Variants in LYG1 observed in about 807,000 individuals in gnomAD.
The protein encoded by LYG1 is lysozyme g-like protein 1.
LYG1 carries 17 observed loss-of-function variants against 21.7 expected under a neutral mutation model. The ratio of observed to expected loss-of-function variants is 0.78; its 90% confidence interval spans 0.54 to 1.18. The LOEUF (loss-of-function observed/expected upper bound fraction) is 1.18. Among genes scored for constraint, LYG1 ranks in the 50% most tolerant of loss-of-function variants. LYG1 has a pLI of 0.00. For synonymous variants in LYG1, 81 were observed against 87.4 expected, an observed-to-expected ratio of 0.93 and a Z score of 0.41; for missense variants, 211 against 238.1, an observed-to-expected ratio of 0.89 and a Z score of 0.75.
In LYG1 at chr2:99,291,229, A is replaced by G. The variant is rs1352614207; in HGVS notation, c.333+8T>C. The G allele has an allele frequency of 6.2e-7, 1 of 1,612,316 alleles. No homozygotes were observed. The highest frequency in any genetic ancestry group is 2.2e-5 in the East Asian group (1 of 44,842). ...AATGGCCACATGTGTCAACGGATGA[A>G]GAGTTACCTGCACCATGCTAGTCCT... On this transcript the variant is annotated splice_region_variant and intron_variant, in intron 5 of 6. Transcript: ENST00000308528.
intron 4 of LYG1, 137 bp from the exon 5 acceptor site, chr2:99,291,558 C>A: frequency 2.1e-6 from 2 of 957,638 alleles, no homozygotes; most frequent in Non-Finnish European, 1.6e-6. Context: ...GGTCTTAAAT[C>A]TTTAGTAGTG....
At chr2:99,290,229 A>G (rs2094114505) in intron 5 of LYG1, among the ~76,000 whole-genome samples, 1 of 152,200 alleles carries the variant, frequency 6.6e-6, no homozygotes, top group Admixed American at 6.5e-5. Flanking sequence ...CAGATTTTAC[A>G]AAGGAGACAG....
rs968548636 is a variant in LYG1 at position 99,291,844 on chromosome 2, G to A, written c.149-423C>T. Among the ~76,000 whole-genome samples, 12 of 152,170 alleles carry A rather than the reference G, an allele frequency of 7.9e-5. No homozygotes were observed. The East Asian group carries it at 2.3e-3, about 29-fold the overall frequency. Reference sequence around the variant, plus strand: ...TTAGATAGTGTTCCTCAACAAGTTTGTTCACAATTGCACAGTTTTCCACTC... The same window carrying A: ...TTAGATAGTGTTCCTCAACAAGTTTATTCACAATTGCACAGTTTTCCACTC... On this transcript the variant is annotated intron_variant, in intron 4 of 6. Coordinates refer to ENST00000308528, the MANE Select transcript of LYG1 (RefSeq NM_174898.3).
intron 5 of LYG1, among the ~76,000 whole-genome samples, chr2:99,290,486 G>A (rs2094115104): frequency 6.6e-6 from 1 of 152,048 alleles, no homozygotes; most frequent in South Asian, 2.1e-4. Context: ...GTCAAGGGAA[G>A]CAAATTTGGA....
chr2:99,292,674 G>A, intron 3 of LYG1, 34 bp from the exon 4 acceptor site: 1 of 1,352,936 alleles, frequency 7.4e-7, no homozygotes, highest in Non-Finnish European at 1.1e-6. Context: ...CTAAGGCATG[G>A]AACTAGTTCT....
chr2:99,297,166 C>T (rs2094139277), intron 2 of LYG1, among the ~76,000 whole-genome samples: 1 of 152,198 alleles, frequency 6.6e-6, no homozygotes, highest in Admixed American at 6.5e-5. Context: ...ATGTCATGGT[C>T]AGTCCCAACA....
At chr2:99,296,391 G>T (rs2094136510) in intron 2 of LYG1, among the ~76,000 whole-genome samples, 1 of 152,122 alleles carries the variant, frequency 6.6e-6, no homozygotes, top group African/African-American at 2.4e-5. Flanking sequence ...TCCCAGGATT[G>T]AACTCATGAG....
intron 1 of LYG1, among the ~76,000 whole-genome samples, chr2:99,299,284 CTTTTTTTTTTTT>C (rs759326268): frequency 8.0e-6 from 1 of 124,650 alleles, no homozygotes; most frequent in Non-Finnish European, 1.7e-5. Flanking sequence ...TTCTTTTTTT[CTTTTTTTTTTTT>C]TTTTAATCGA....
Position 99,292,517 on chromosome 2 carries a change from G to A in LYG1, c.148+19C>T, listed in dbSNP as rs200494854. ...TGAAAGCCGGGGGATAGGTTGAGAG[G>A]GCGAAAGCTCATAGCTACCACAGTA... On this transcript the variant is annotated intron_variant, in intron 4 of 6. Transcript: ENST00000308528. 284 of 1,579,242 alleles carry A rather than the reference G, an allele frequency of 1.8e-4. 1 individual carries two copies. In the African/African-American group the frequency reaches 3.2e-3, roughly 18 times the overall value.
intron 3 of LYG1, among the ~76,000 whole-genome samples, chr2:99,292,985 C>CTTTTT (rs70940159): frequency 4.4e-3 from 365 of 83,056 alleles, no homozygotes; most frequent in Non-Finnish European, 5.6e-3. Context: ...CCTCATCTTA[C>CTTTTT]TTTTTTTTTT....
At chr2:99,300,143 C>A (rs1283764733) in intron 1 of LYG1, among the ~76,000 whole-genome samples, 4 of 151,946 alleles carry the variant, frequency 2.6e-5, no homozygotes, top group Non-Finnish European at 5.9e-5. Context: ...AACAGGAAGG[C>A]TCATTTTAAG....
At chr2:99,298,248 C>G (rs1197957588) in intron 2 of LYG1, among the ~76,000 whole-genome samples, 1 of 152,156 alleles carries the variant, frequency 6.6e-6, no homozygotes, top group African/African-American at 2.4e-5. Context: ...CAGACCAAGG[C>G]AGCACAGTGG....
chr2:99,302,091 GAT>G (rs112237460), upstream of LYG1, among the ~76,000 whole-genome samples: 2 of 152,104 alleles, frequency 1.3e-5, no homozygotes, highest in East Asian at 3.9e-4. Flanking sequence ...ATTCCTACAG[GAT>G]CTTTCCTTTT....
At chr2:99,287,319 AG>A (rs1399169987) in intron 5 of LYG1, among the ~76,000 whole-genome samples, 2 of 152,194 alleles carry the variant, frequency 1.3e-5, no homozygotes, top group African/African-American at 4.8e-5. Context: ...AGTGGGAGCT[AG>A]ATGATGAGAA....
chr2:99,293,440 T>C lies in LYG1; in HGVS notation c.44-800A>G, dbSNP rs558770300. The stretch of plus-strand genomic sequence containing the variant: ...TCAACCCAGATCCAAAGTAAGGCAC[T>C]GCTCGTAAATGAGGATTTGAGGCTG... On this transcript the variant is annotated intron_variant, in intron 3 of 6. Coordinates refer to ENST00000308528, the MANE Select transcript of LYG1 (RefSeq NM_174898.3). Among the ~76,000 whole-genome samples, 303 of 152,344 alleles carry C rather than the reference T, an allele frequency of 2.0e-3. 1 individual carries two copies. Among genetic ancestry groups the C allele is most frequent in the African/African-American group, 7.0e-3 (292 of 41,592 alleles).
intron 4 of LYG1, among the ~76,000 whole-genome samples, chr2:99,291,638 C>T (rs1450494701): frequency 6.6e-6 from 1 of 152,108 alleles, no homozygotes; most frequent in Admixed American, 6.6e-5. Flanking sequence ...AGCCAGGGTC[C>T]CCTGTGGCTG....
chr2:99,297,498 G>A (rs1034713641), intron 2 of LYG1, among the ~76,000 whole-genome samples: 9 of 152,266 alleles, frequency 5.9e-5, no homozygotes, highest in Admixed American at 5.9e-4. Flanking sequence ...AAACCCAAGT[G>A]GAAGGACTCA....
intron 5 of LYG1, 30 bp from the exon 6 acceptor site, chr2:99,284,850 C>G (rs748123807): frequency 6.2e-7 from 1 of 1,609,234 alleles, no homozygotes; most frequent in Non-Finnish European, 8.5e-7. Context: ...GAAGAAGCCA[C>G]GTAAGCTGGG....
intron 3 of LYG1, among the ~76,000 whole-genome samples, chr2:99,295,055 TTG>T (rs2094132491): frequency 6.6e-6 from 1 of 152,102 alleles, no homozygotes; most frequent in Non-Finnish European, 1.5e-5. Context: ...TGAGCTGAGA[TTG>T]CACCACTGCA....
Sources: allele counts gnomAD v4.1 joint callset (sites outside exome capture counted in the v4.1 genomes callset), GRCh38; gene constraint gnomAD v4.1.1; transcripts MANE v1.5; gene names NCBI Gene and HGNC (gene_info 2026-07-23, HGNC 2026-07-21).